FRMD4A: variants seen among roughly 807,000 people sequenced by gnomAD.
The protein encoded by FRMD4A is FERM domain-containing protein 4A.
Under a neutral mutation model 129.1 loss-of-function variants are expected in FRMD4A, and 29 were observed. The observed-to-expected ratio is 0.22, with a 90% CI of 0.17 to 0.31. The LOEUF (loss-of-function observed/expected upper bound fraction) is 0.31, where lower values mean the gene tolerates loss of function less well. Among genes scored for constraint, FRMD4A ranks in the 10% least tolerant of loss-of-function variants. The pLI, the probability that FRMD4A is intolerant of heterozygous loss-of-function variation, is 1.00. For synonymous variants in FRMD4A, 634 were observed against 571.6 expected (o/e 1.11, Z -1.56); for missense variants, 1,272 against 1,375.8 (o/e 0.92, Z 1.19).
At chr10:13,810,435 A>G (rs567772846) in intron 4 of FRMD4A, among the ~76,000 whole-genome samples, 1 of 152,340 alleles carries the variant, frequency 6.6e-6, no homozygotes, top group African/African-American at 2.4e-5. Flanking sequence ...CATCAAATTC[A>G]CTTCCTGTTA....
At chr10:13,770,230 A>C (rs2092417529) in intron 6 of FRMD4A, among the ~76,000 whole-genome samples, 1 of 151,880 alleles carries the variant, frequency 6.6e-6, no homozygotes, top group Admixed American at 6.6e-5. Context: ...ATCTCGCACA[A>C]TTCCTCATTC....
chr10:14,034,494 G>A (rs1451234583), intron 2 of FRMD4A, among the ~76,000 whole-genome samples: 1 of 152,154 alleles, frequency 6.6e-6, no homozygotes, highest in Non-Finnish European at 1.5e-5. Flanking sequence ...GCTTCCATGA[G>A]GTGAATATAT....
intron 2 of FRMD4A, among the ~76,000 whole-genome samples, chr10:14,009,961 C>T (rs11258793): frequency 0.015 from 2,271 of 152,242 alleles, 41 homozygotes; most frequent in East Asian, 0.089. Context: ...AAATCTGGAA[C>T]GATACCCGAT....
intron 2 of FRMD4A, among the ~76,000 whole-genome samples, chr10:14,250,017 T>G (rs1844380272): frequency 6.6e-6 from 1 of 152,226 alleles, no homozygotes; most frequent in African/African-American, 2.4e-5. Context: ...TTGCCCAGGC[T>G]GGTGTGATCT....
intron 2 of FRMD4A, among the ~76,000 whole-genome samples, chr10:14,041,186 C>A (rs891192831): frequency 2.0e-5 from 3 of 152,150 alleles, no homozygotes; most frequent in African/African-American, 7.2e-5. Context: ...TGAAATTGGA[C>A]AATCAGAGCA....
In FRMD4A at chr10:13,762,652, A is replaced by C; in HGVS notation, c.413T>G (p.Val138Gly). The change falls in exon 7 of 25, where the codon GTG becomes GGG. Residue 138 changes from valine to glycine, a missense_variant. By Grantham distance (109) the Val-to-Gly change is moderately radical (BLOSUM62 -3). This residue lies in a region of FRMD4A where 300 missense variants were observed against 483.6 expected (regional missense o/e 0.62). Transcript: ENST00000357447. ...TAAAATATAGGAAGCTAATTCAAAC[A>C]CCACTTCGCTGTCAACGTCAATAAG... Reference protein sequence around the residue: ...KELIDVDSEVVFELASYILQE... With the variant: ...KELIDVDSEVGFELASYILQE... 1 of 1,608,336 alleles carries C rather than the reference A, an allele frequency of 6.2e-7. No homozygotes were observed. The highest frequency in any genetic ancestry group is 8.5e-7 in the Non-Finnish European group (1 of 1,174,814).
intron 2 of FRMD4A, among the ~76,000 whole-genome samples, chr10:13,928,250 G>C (rs887221713): frequency 6.6e-6 from 1 of 151,858 alleles, no homozygotes; most frequent in African/African-American, 2.4e-5. Context: ...TCCAACTCCC[G>C]GGCTCAAGCA....
chr10:14,109,693 C>G (rs1397639449), intron 2 of FRMD4A, among the ~76,000 whole-genome samples: 4 of 152,100 alleles, frequency 2.6e-5, no homozygotes, highest in African/African-American at 9.7e-5. Flanking sequence ...ATGCTTTGAC[C>G]AGGTTCGGTG....
chr10:13,811,107 A>AGAG lies in FRMD4A; in HGVS notation c.112-202_112-200dup, dbSNP rs1410862027. On this transcript the variant is annotated intron_variant, in intron 3 of 24. Transcript: ENST00000357447. Reference sequence around the variant, plus strand: ...GCCAAGTCAAGGGTCATCAACAGATAGAGACCTTCTGTTTTGTTTCCTAGA... The same window carrying AGAG: ...GCCAAGTCAAGGGTCATCAACAGATAGAGGAGACCTTCTGTTTTGTTTCCTAGA... Among the ~76,000 whole-genome samples, 6 of 152,112 alleles carry AGAG rather than the reference A, an allele frequency of 3.9e-5. No individual in the cohort carries two copies. In the East Asian group the frequency reaches 7.8e-4, roughly 20 times the overall value.
At chr10:14,127,077 C>T (rs1327909036) in intron 2 of FRMD4A, among the ~76,000 whole-genome samples, 1 of 152,142 alleles carries the variant, frequency 6.6e-6, no homozygotes, top group Non-Finnish European at 1.5e-5. Flanking sequence ...AGGGAAACTG[C>T]AGCAAACCCA....
intron 2 of FRMD4A, among the ~76,000 whole-genome samples, chr10:14,144,885 A>T (rs190880490): frequency 6.6e-6 from 1 of 152,256 alleles, no homozygotes; most frequent in East Asian, 1.9e-4. Flanking sequence ...GGAGTTTTGG[A>T]GGCAGCAAGG....
chr10:14,158,837 AGAGGAG>A (rs71388159), intron 2 of FRMD4A, among the ~76,000 whole-genome samples: 15,478 of 136,880 alleles, frequency 0.11, 983 homozygotes, highest in African/African-American at 0.17. Flanking sequence ...AGGAGGAGAA[AGAGGAG>A]GAGGAGGAGG....
intron 2 of FRMD4A, among the ~76,000 whole-genome samples, chr10:14,152,874 C>A (rs1485007436): frequency 6.6e-6 from 1 of 152,050 alleles, no homozygotes; most frequent in Admixed American, 6.6e-5. Flanking sequence ...AAGAGAGACT[C>A]CTTCAGCTGG....
intron 2 of FRMD4A, among the ~76,000 whole-genome samples, chr10:14,048,529 G>A (rs141044256): frequency 6.6e-6 from 1 of 152,114 alleles, no homozygotes; most frequent in Admixed American, 6.6e-5. Flanking sequence ...GGGTGGGCCG[G>A]GTGTGGTGGC....
chr10:14,121,722 G>A (rs1838531667), intron 2 of FRMD4A, among the ~76,000 whole-genome samples: 1 of 152,194 alleles, frequency 6.6e-6, no homozygotes, highest in Admixed American at 6.5e-5. Context: ...AAGCCTAAGA[G>A]CATGTCGATG....
intron 2 of FRMD4A, among the ~76,000 whole-genome samples, chr10:13,903,123 A>G (rs1193557627): frequency 6.6e-6 from 1 of 152,086 alleles, no homozygotes; most frequent in Non-Finnish European, 1.5e-5. Context: ...TCCAGATACC[A>G]GTAGGAATCA....
intron 16 of FRMD4A, among the ~76,000 whole-genome samples, chr10:13,672,378 G>A (rs1427713666): frequency 6.6e-6 from 1 of 151,178 alleles, no homozygotes; most frequent in Non-Finnish European, 1.5e-5. Context: ...TTCCCTAAAA[G>A]TCTATCTATA....
intron 4 of FRMD4A, among the ~76,000 whole-genome samples, chr10:13,800,631 C>T (rs2130842218): frequency 6.6e-6 from 1 of 152,272 alleles, no homozygotes; most frequent in Middle Eastern, 3.4e-3. Context: ...ATATGAGTGA[C>T]CACACACACT....
At chr10:13,799,351 T>A (rs2093201150) in intron 4 of FRMD4A, among the ~76,000 whole-genome samples, 1 of 152,012 alleles carries the variant, frequency 6.6e-6, no homozygotes, top group South Asian at 2.1e-4. Flanking sequence ...AGAGACAGGG[T>A]TTCACCGTGT....
Sources: gnomAD v4.1 joint callset for allele counts (sites outside exome capture counted in the v4.1 genomes callset) on GRCh38, gnomAD v4.1.1 for gene constraint, gnomAD v4.1.1 regional missense constraint, MANE v1.5 for transcripts, NCBI Gene and HGNC (gene_info 2026-07-23, HGNC 2026-07-21) for gene names.